The following ARPP21 variants were observed in gnomAD, a reference collection of about 807,000 sequenced individuals.
ARPP21 encodes cAMP-regulated phosphoprotein 21.
In ARPP21, 69 loss-of-function variants were observed where a neutral mutation model predicts 113.2. That is an observed-to-expected ratio of 0.61 (90% confidence interval 0.50 to 0.74). The LOEUF is 0.74. Among genes scored for constraint, ARPP21 ranks in the 30% least tolerant of loss-of-function variants. The pLI, the probability that ARPP21 is intolerant of heterozygous loss-of-function variation, is 0.00. For missense variants in ARPP21, 1,070 were observed against 1,037.4 expected, an observed-to-expected ratio of 1.03 and a Z score of -0.43; for synonymous variants, 368 against 375.5, an observed-to-expected ratio of 0.98 and a Z score of 0.23.
chr3:35,754,933 G>A (rs146298918), intron 19 of ARPP21, among the ~76,000 whole-genome samples: 1,959 of 151,916 alleles, frequency 0.013, 19 homozygotes, highest in African/African-American at 0.027. Flanking sequence ...GTCGTTTGGC[G>A]AAAACAGAAA....
At chr3:35,755,914 T>G (rs1446596667) in intron 19 of ARPP21, among the ~76,000 whole-genome samples, 1 of 152,244 alleles carries the variant, frequency 6.6e-6, no homozygotes, top group Middle Eastern at 3.4e-3. Flanking sequence ...AGAAAGCAGT[T>G]TGCAAATTGC....
intron 9 of ARPP21, among the ~76,000 whole-genome samples, chr3:35,704,279 A>G (rs2087767767): frequency 6.6e-6 from 1 of 151,902 alleles, no homozygotes; most frequent in South Asian, 2.1e-4. Context: ...CAATATTTAT[A>G]TTATTAATTA....
intron 1 of ARPP21, chr3:35,643,883 A>G (rs1315474171): frequency 2.6e-5 from 4 of 151,986 alleles, no homozygotes; most frequent in Non-Finnish European, 5.9e-5. Context: ...GAAATTTGTG[A>G]ATCTCTAATC....
At chr3:35,766,543 G>A (rs1029734198) in intron 19 of ARPP21, among the ~76,000 whole-genome samples, 26 of 152,248 alleles carry the variant, frequency 1.7e-4, no homozygotes, top group South Asian at 1.5e-3. Context: ...GGCATTTGAC[G>A]TGCCAATTGC....
chr3:35,708,782 C>A (rs920505601), intron 10 of ARPP21, among the ~76,000 whole-genome samples, 187 bp from the exon 11 acceptor site: 4 of 152,308 alleles, frequency 2.6e-5, no homozygotes, highest in Middle Eastern at 3.4e-3. Context: ...CACCTCTCAC[C>A]ATTGCATGTC....
chr3:35,677,495 T>C (rs1346101511), intron 1 of ARPP21, among the ~76,000 whole-genome samples: 1 of 152,006 alleles, frequency 6.6e-6, no homozygotes, highest in Non-Finnish European at 1.5e-5. Context: ...TTTTACTTGC[T>C]TTCTTCATGG....
intron 14 of ARPP21, among the ~76,000 whole-genome samples, chr3:35,726,511 A>G (rs190731907): frequency 7.5e-4 from 114 of 152,364 alleles, no homozygotes; most frequent in Non-Finnish European, 1.4e-3. Context: ...AGCCAAATTT[A>G]GGTTTCCTTC....
At chr3:35,673,707 T>A (rs1449294562) in intron 1 of ARPP21, among the ~76,000 whole-genome samples, 1 of 152,014 alleles carries the variant, frequency 6.6e-6, no homozygotes. Flanking sequence ...TACCTAAATG[T>A]CTCTTCCTTT....
chr3:35,749,400 G>A (rs1471994873), intron 19 of ARPP21, among the ~76,000 whole-genome samples: 4 of 143,838 alleles, frequency 2.8e-5, no homozygotes, highest in Admixed American at 7.0e-5. Flanking sequence ...CTTCATTCTC[G>A]GCTCTCCAAA....
chr3:35,778,785 T>C (rs1203061449), intron 19 of ARPP21, among the ~76,000 whole-genome samples: 1 of 152,188 alleles, frequency 6.6e-6, no homozygotes, highest in Non-Finnish European at 1.5e-5. Context: ...TTTTATCTTC[T>C]ATAAAGTGAG....
chr3:35,713,550 T>C (rs2091783750), intron 11 of ARPP21, among the ~76,000 whole-genome samples: 1 of 152,074 alleles, frequency 6.6e-6, no homozygotes, highest in Admixed American at 6.6e-5. Flanking sequence ...TGCACCACCA[T>C]GCCCCGCTAA....
chr3:35,699,068 A>C (rs2085217578), intron 9 of ARPP21, among the ~76,000 whole-genome samples: 1 of 151,638 alleles, frequency 6.6e-6, no homozygotes, highest in African/African-American at 2.4e-5. Context: ...AGGAGCCATG[A>C]CAATTTTGAT....
In ARPP21 at chr3:35,740,415, A is replaced by G. The variant is rs1576486466; in HGVS notation, c.2010+838A>G. Among the ~76,000 whole-genome samples the G allele has an allele frequency of 2.6e-5, 4 of 152,222 alleles. No homozygotes were observed. The South Asian group carries it at 8.3e-4, about 31-fold the overall frequency. On this transcript the variant is annotated intron_variant, in intron 18 of 20. Coordinates refer to ENST00000684406, the MANE Select transcript of ARPP21 (RefSeq NM_001385562.1). Reference sequence around the variant, plus strand: ...GTTTAAAGTGCAGTGTCACCTTCGTATCATTTGTTTCACTGCCTTAACATC... The same window carrying G: ...GTTTAAAGTGCAGTGTCACCTTCGTGTCATTTGTTTCACTGCCTTAACATC...
At chr3:35,778,880 A>G (rs2096455794) in intron 19 of ARPP21, among the ~76,000 whole-genome samples, 2 of 152,208 alleles carry the variant, frequency 1.3e-5, no homozygotes. Context: ...TAGTTTGAAT[A>G]AAGAAAGGAG....
At chr3:35,778,080 G>A (rs950310116) in intron 19 of ARPP21, among the ~76,000 whole-genome samples, 7 of 152,094 alleles carry the variant, frequency 4.6e-5, no homozygotes, top group South Asian at 2.1e-4. Context: ...ATTTCTGAGG[G>A]GAAAAAAGTC....
intron 19 of ARPP21, among the ~76,000 whole-genome samples, chr3:35,760,837 G>A (rs980253945): frequency 3.9e-5 from 6 of 151,994 alleles, no homozygotes; most frequent in Admixed American, 3.3e-4. Context: ...GGATTGGCAG[G>A]GTGGTGAATG....
At chr3:35,660,123 T>C (rs1707007510) in intron 1 of ARPP21, among the ~76,000 whole-genome samples, 1 of 152,174 alleles carries the variant, frequency 6.6e-6, no homozygotes, top group Non-Finnish European at 1.5e-5. Flanking sequence ...CTTTCCCCTT[T>C]TTGACATAGA....
chr3:35,677,680 T>C (rs925394963), intron 1 of ARPP21, among the ~76,000 whole-genome samples: 2 of 151,934 alleles, frequency 1.3e-5, no homozygotes, highest in Admixed American at 1.3e-4. Context: ...CTTCCATCCT[T>C]CAAACTGTAA....
At chr3:35,667,840 C>T (rs9839090) in intron 1 of ARPP21, among the ~76,000 whole-genome samples, 19,154 of 70,294 alleles carry the variant, frequency 0.27, 2,134 homozygotes, top group East Asian at 0.38. Context: ...CTTTTATTCT[C>T]AAAGAAGAAG....
Sources: allele counts gnomAD v4.1 joint callset (sites outside exome capture counted in the v4.1 genomes callset), GRCh38; gene constraint gnomAD v4.1.1; transcripts MANE v1.5; gene names NCBI Gene and HGNC (gene_info 2026-07-23, HGNC 2026-07-21).